Variants in LRRC7 observed in about 807,000 individuals in gnomAD.
The protein encoded by LRRC7 is leucine rich repeat containing 7.
LRRC7 carries 23 observed loss-of-function variants against 175.7 expected under a neutral mutation model. That is an observed-to-expected ratio of 0.13 (90% CI 0.09 to 0.19). The LOEUF (loss-of-function observed/expected upper bound fraction) is 0.19. Ranked by LOEUF, LRRC7 falls within the 10% of genes least tolerant of loss-of-function variation. The pLI is 1.00. For synonymous variants in LRRC7, 685 were observed against 680.9 expected, an observed-to-expected ratio of 1.01 and a Z score of -0.09; for missense variants, 1,354 against 1,904.7, an observed-to-expected ratio of 0.71 and a Z score of 5.38.
intron 7 of LRRC7, among the ~76,000 whole-genome samples, chr1:69,924,760 C>T (rs192087141): frequency 6.6e-6 from 1 of 152,350 alleles, no homozygotes; most frequent in African/African-American, 2.4e-5. Flanking sequence ...GACAATTTGA[C>T]TTCCTCTTTT....
chr1:69,975,866 T>A (rs1361061474), intron 8 of LRRC7, among the ~76,000 whole-genome samples: 5 of 151,928 alleles, frequency 3.3e-5, no homozygotes, highest in Admixed American at 6.5e-5. Context: ...CAATCTCCTC[T>A]TCATTGTCCC....
chr1:69,824,886 C>A (rs1321273828), intron 4 of LRRC7, among the ~76,000 whole-genome samples: 1 of 152,132 alleles, frequency 6.6e-6, no homozygotes, highest in African/African-American at 2.4e-5. Flanking sequence ...CGCATAATAA[C>A]AGCTTCATAT....
chr1:69,658,199 A>G (rs1050680410), intron 1 of LRRC7, among the ~76,000 whole-genome samples: 1 of 151,940 alleles, frequency 6.6e-6, no homozygotes, highest in Non-Finnish European at 1.5e-5. Context: ...CAGCTTAGAG[A>G]TGGCATTTCT....
At chr1:69,986,719 AT>A (rs1215535829) in intron 10 of LRRC7, among the ~76,000 whole-genome samples, 2 of 152,208 alleles carry the variant, frequency 1.3e-5, no homozygotes, top group Non-Finnish European at 2.9e-5. Context: ...GTATCCTTAT[AT>A]TATGATAGAA....
At chr1:69,851,590 C>T (rs925237496) in intron 7 of LRRC7, among the ~76,000 whole-genome samples, 3 of 152,018 alleles carry the variant, frequency 2.0e-5, no homozygotes, top group Admixed American at 6.6e-5. Context: ...AAGATAAAAA[C>T]GTTCTCAACT....
At chr1:69,980,582 A>G (rs1310729151) in intron 9 of LRRC7, 129 bp downstream of exon 9, 1 of 694,502 alleles carries the variant, frequency 1.4e-6, no homozygotes, top group Admixed American at 3.2e-5. Context: ...AGGAGTGTTC[A>G]GTCACCAAGT....
rs1021350599 is a variant in LRRC7, at chr1:70,070,724, G to A, written c.4231-5353G>A. On this transcript the variant is annotated intron_variant, in intron 23 of 26. Coordinates refer to ENST00000651989, the MANE Select transcript of LRRC7 (RefSeq NM_001370785.2). ...TCATCATTGCTAAGTGAGGATGGAA[G>A]TTTCATCTCCCCACATGGTCTCCAC... Among the ~76,000 whole-genome samples, 95 of 152,276 alleles carry A rather than the reference G, an allele frequency of 6.2e-4. 1 individual carries two copies. Among genetic ancestry groups the A allele is most frequent in the African/African-American group, 2.1e-3 (88 of 41,560 alleles).
intron 23 of LRRC7, among the ~76,000 whole-genome samples, chr1:70,062,616 T>G (rs1440797186): frequency 2.0e-5 from 3 of 151,994 alleles, no homozygotes; most frequent in Non-Finnish European, 2.9e-5. Flanking sequence ...CCAAAGTACA[T>G]GACCTGGAGG....
chr1:69,915,547 A>C (rs1310444823), intron 7 of LRRC7, among the ~76,000 whole-genome samples: 2 of 152,158 alleles, frequency 1.3e-5, no homozygotes, highest in Non-Finnish European at 2.9e-5. Context: ...GAAGTAGTTT[A>C]AACTATTTCC....
chr1:69,749,020 A>G (rs997122549), intron 2 of LRRC7, among the ~76,000 whole-genome samples: 2 of 152,200 alleles, frequency 1.3e-5, no homozygotes, highest in African/African-American at 2.4e-5. Flanking sequence ...TCTTCAAGAA[A>G]CATAGGTGGA....
intron 7 of LRRC7, among the ~76,000 whole-genome samples, chr1:69,854,666 A>G (rs1683382304): frequency 6.6e-6 from 1 of 152,196 alleles, no homozygotes; most frequent in African/African-American, 2.4e-5. Context: ...TGAAAATTAT[A>G]TAGTAAAAAT....
chr1:69,736,851 T>C (rs1168902016), intron 2 of LRRC7, among the ~76,000 whole-genome samples: 2 of 152,148 alleles, frequency 1.3e-5, no homozygotes, highest in Admixed American at 6.6e-5. Context: ...ATCTTTACAC[T>C]GCCTTTGATA....
chr1:70,091,410 T>A (rs1186830472), intron 25 of LRRC7, among the ~76,000 whole-genome samples: 1 of 152,138 alleles, frequency 6.6e-6, no homozygotes, highest in Non-Finnish European at 1.5e-5. Flanking sequence ...ATTCTTTCAA[T>A]GAAAAGTCAC....
At chr1:69,597,420 C>T (rs1646886943) in intron 1 of LRRC7, among the ~76,000 whole-genome samples, 1 of 151,952 alleles carries the variant, frequency 6.6e-6, no homozygotes, top group African/African-American at 2.4e-5. Context: ...TAATATGTTG[C>T]CTAAAACAAA....
At chr1:70,109,041 G>A (rs1322854556) in intron 26 of LRRC7, among the ~76,000 whole-genome samples, 2 of 151,922 alleles carry the variant, frequency 1.3e-5, no homozygotes, top group African/African-American at 4.8e-5. Flanking sequence ...TTTGTTTTGA[G>A]ACAGCCTTTC....
intron 23 of LRRC7, among the ~76,000 whole-genome samples, chr1:70,071,400 G>A (rs1662375934): frequency 6.6e-6 from 1 of 151,832 alleles, no homozygotes; most frequent in South Asian, 2.1e-4. Flanking sequence ...GTACTTAATG[G>A]AAGAAATAGG....
intron 1 of LRRC7, among the ~76,000 whole-genome samples, chr1:69,629,171 T>C (rs1652071242): frequency 6.6e-6 from 1 of 152,072 alleles, no homozygotes; most frequent in South Asian, 2.1e-4. Context: ...TCAAGAGAAT[T>C]AGGCAACAAA....
chr1:70,106,465 T>C (rs576900541), intron 25 of LRRC7, among the ~76,000 whole-genome samples: 1 of 152,342 alleles, frequency 6.6e-6, no homozygotes, highest in African/African-American at 2.4e-5. Context: ...TGTAGCATGT[T>C]TCCATACTTT....
chr1:69,953,174 C>G (rs2101827199), intron 8 of LRRC7, among the ~76,000 whole-genome samples: 1 of 152,046 alleles, frequency 6.6e-6, no homozygotes, highest in African/African-American at 2.4e-5. Flanking sequence ...CTTTACTAAC[C>G]TAAATTGAAC....
Sources: allele counts gnomAD v4.1 joint callset (sites outside exome capture counted in the v4.1 genomes callset), GRCh38; gene constraint gnomAD v4.1.1; transcripts MANE v1.5; gene names NCBI Gene and HGNC (gene_info 2026-07-23, HGNC 2026-07-21).